CNTN4: variants seen among roughly 807,000 people sequenced by gnomAD.
The protein encoded by CNTN4 is contactin-4.
In CNTN4, 77 loss-of-function variants were observed where a neutral mutation model predicts 122.5. That is an observed-to-expected ratio of 0.63 (90% CI 0.52 to 0.76). The LOEUF (loss-of-function observed/expected upper bound fraction) is 0.76, where lower values mean the gene tolerates loss of function less well. CNTN4 is among the 30% of genes least tolerant of loss of function. The pLI is 0.00. For synonymous variants in CNTN4, 512 were observed against 447.0 expected (o/e 1.15, Z -1.83); for missense variants, 1,256 against 1,259.1 (o/e 1.00, Z 0.04).
At chr3:2,826,524 T>G (rs2092992383) in intron 7 of CNTN4, among the ~76,000 whole-genome samples, 1 of 152,224 alleles carries the variant, frequency 6.6e-6, no homozygotes, top group Admixed American at 6.5e-5. Context: ...AGCGTGAAAG[T>G]AGGACATCTG....
chr3:2,484,517 A>G (rs1281446127), intron 3 of CNTN4, among the ~76,000 whole-genome samples: 1 of 152,082 alleles, frequency 6.6e-6, no homozygotes, highest in African/African-American at 2.4e-5. Context: ...TTTATATGGA[A>G]TTGCTAAAGG....
At chr3:2,931,903 C>T (rs984610100) in intron 13 of CNTN4, among the ~76,000 whole-genome samples, 1 of 152,158 alleles carries the variant, frequency 6.6e-6, no homozygotes, top group African/African-American at 2.4e-5. Context: ...CTGTCTCAGC[C>T]TCCCAAAGTG....
intron 2 of CNTN4, among the ~76,000 whole-genome samples, chr3:2,207,533 A>G (rs2038414730): frequency 1.3e-5 from 2 of 152,148 alleles, no homozygotes; most frequent in South Asian, 4.1e-4. Context: ...ACCAACCACA[A>G]CGTTCCCTTA....
chr3:2,748,146 A>C (rs1427892042), intron 6 of CNTN4, among the ~76,000 whole-genome samples: 2 of 152,234 alleles, frequency 1.3e-5, no homozygotes, highest in Non-Finnish European at 2.9e-5. Flanking sequence ...GGACAGTAGT[A>C]TCTCATGATG....
chr3:2,225,077 G>T (rs1010246649), intron 2 of CNTN4, among the ~76,000 whole-genome samples: 1 of 150,914 alleles, frequency 6.6e-6, no homozygotes, highest in African/African-American at 2.4e-5. Flanking sequence ...GTGAACCCGG[G>T]AGGTAGAGCT....
In CNTN4 at chr3:2,684,470, A is replaced by G. The variant is rs147256749; in HGVS notation, c.56-51745A>G. 7.6e-3 allele frequency among the ~76,000 whole-genome samples: 1,161 copies of G among 152,256 alleles called. 9 individuals are homozygous for G. Among genetic ancestry groups the G allele is most frequent in the African/African-American group, 0.027 (1,123 of 41,560 alleles). The stretch of plus-strand genomic sequence containing the variant: ...TTTGTGGTAGAGGTGGACCCCAATG[A>G]CCAGTTTTGTCTGTTTCTCTTTAAG... On this transcript the variant is annotated intron_variant, in intron 4 of 24. Coordinates refer to ENST00000418658, the MANE Select transcript of CNTN4 (RefSeq NM_175607.3).
chr3:2,280,149 A>G (rs1195975775), intron 2 of CNTN4, among the ~76,000 whole-genome samples: 1 of 152,078 alleles, frequency 6.6e-6, no homozygotes. Flanking sequence ...AAATAGAGAC[A>G]GGGTTTTCTC....
intron 4 of CNTN4, among the ~76,000 whole-genome samples, chr3:2,627,530 G>A (rs1402110483): frequency 2.4e-5 from 3 of 123,582 alleles, no homozygotes; most frequent in Admixed American, 2.2e-4. Flanking sequence ...ATCTCACTCT[G>A]TCGCCCAGGC....
intron 4 of CNTN4, among the ~76,000 whole-genome samples, chr3:2,725,317 A>G (rs965652450): frequency 6.6e-6 from 1 of 152,130 alleles, no homozygotes; most frequent in African/African-American, 2.4e-5. Flanking sequence ...TCTAATGCAT[A>G]TGCCTGCACC....
intron 6 of CNTN4, among the ~76,000 whole-genome samples, chr3:2,805,194 A>T (rs1159752623): frequency 6.6e-6 from 1 of 152,040 alleles, no homozygotes; most frequent in Non-Finnish European, 1.5e-5. Flanking sequence ...AAAAAGTATC[A>T]GTTGCTGCAC....
intron 8 of CNTN4, among the ~76,000 whole-genome samples, chr3:2,879,577 AAGG>A (rs1402415987): frequency 6.6e-6 from 1 of 152,198 alleles, no homozygotes; most frequent in African/African-American, 2.4e-5. Flanking sequence ...TGTTCAATGA[AAGG>A]AGCCAGGCAC....
intron 14 of CNTN4, among the ~76,000 whole-genome samples, chr3:3,014,752 T>C (rs1360430087): frequency 1.3e-5 from 2 of 152,108 alleles, no homozygotes; most frequent in South Asian, 2.1e-4. Flanking sequence ...ATCTAACTTT[T>C]AAATTATTTG....
rs1416054619 is a variant in CNTN4 at position 2,532,348 on chromosome 3, G to A, written c.-88-39068G>A. On this transcript the variant is annotated intron_variant, in intron 3 of 24. Coordinates refer to ENST00000418658, the MANE Select transcript of CNTN4 (RefSeq NM_175607.3). ...GGCTAACTACAGCCTTAATCTCCCT[G>A]GGCTCAGGTGGACCTCCTCCCTCAG... Among the ~76,000 whole-genome samples, 8 of 152,076 alleles carry A rather than the reference G, an allele frequency of 5.3e-5. No homozygotes were observed. The East Asian group carries it at 1.4e-3, about 26-fold the overall frequency.
At chr3:2,401,699 A>G (rs2150970952) in intron 3 of CNTN4, among the ~76,000 whole-genome samples, 1 of 152,206 alleles carries the variant, frequency 6.6e-6, no homozygotes, top group South Asian at 2.1e-4. Flanking sequence ...CATGGTTTGA[A>G]GTTTTCATCA....
chr3:2,327,153 T>TGTGTGTG (rs1559455687), intron 2 of CNTN4, among the ~76,000 whole-genome samples: 3 of 114,004 alleles, frequency 2.6e-5, no homozygotes, highest in South Asian at 2.9e-4. Flanking sequence ...GTGTGTGTGT[T>TGTGTGTG]TGTGTGTGTG....
chr3:2,982,300 T>C (rs1389445277), intron 13 of CNTN4, among the ~76,000 whole-genome samples: 6 of 152,206 alleles, frequency 3.9e-5, no homozygotes, highest in Admixed American at 2.6e-4. Context: ...CTACTTTTAC[T>C]ACCACCGTCA....
At chr3:2,170,781 A>G (rs1368309002) in intron 2 of CNTN4, among the ~76,000 whole-genome samples, 1 of 152,164 alleles carries the variant, frequency 6.6e-6, no homozygotes, top group African/African-American at 2.4e-5. Context: ...GTCAGTAAAA[A>G]CTTATGCAGA....
At chr3:2,466,104 T>C (rs1559578091) in intron 3 of CNTN4, among the ~76,000 whole-genome samples, 1 of 152,196 alleles carries the variant, frequency 6.6e-6, no homozygotes, top group Non-Finnish European at 1.5e-5. Flanking sequence ...CATCAGAACA[T>C]AGGATGGCCT....
rs182905330 is a variant in CNTN4, at chr3:2,885,968, G to T, written c.756-1072G>T. ...TTCACTCTTCTCGTAGGACAGCTCA[G>T]GGCTGCCATGAGACAGAAAGCAGAA... On this transcript the variant is annotated intron_variant, in intron 9 of 24. Transcript: ENST00000418658. 9.9e-5 allele frequency among the ~76,000 whole-genome samples: 15 copies of T among 152,248 alleles called. No individual in the cohort carries two copies. The East Asian group carries it at 2.7e-3, about 27-fold the overall frequency.
Sources: allele counts gnomAD v4.1 joint callset (sites outside exome capture counted in the v4.1 genomes callset), GRCh38; gene constraint gnomAD v4.1.1; transcripts MANE v1.5; gene names NCBI Gene and HGNC (gene_info 2026-07-23, HGNC 2026-07-21).